Variants in AAK1 observed in about 807,000 individuals in gnomAD.
AAK1 encodes the protein AP2-associated protein kinase 1.
Under a neutral mutation model 116.0 loss-of-function variants are expected in AAK1, and 37 were observed. That is an observed-to-expected ratio of 0.32 (90% CI 0.25 to 0.42). AAK1 has a LOEUF of 0.42. AAK1 is among the 10% of genes least tolerant of loss of function. The pLI is 1.00. For synonymous variants in AAK1, 458 were observed against 439.9 expected (o/e 1.04, Z -0.51); for missense variants, 919 against 1,170.6 (o/e 0.79, Z 3.14).
At chr2:69,612,018 T>C (rs1348089093) in intron 2 of AAK1, among the ~76,000 whole-genome samples, 1 of 152,186 alleles carries the variant, frequency 6.6e-6, no homozygotes, top group East Asian at 1.9e-4. Context: ...AGGGAGTTAG[T>C]GTTTAATGGG....
chr2:69,602,343 T>C (rs932839287), intron 2 of AAK1, among the ~76,000 whole-genome samples: 7 of 152,188 alleles, frequency 4.6e-5, no homozygotes, highest in Non-Finnish European at 1.0e-4. Flanking sequence ...AATATCCTGA[T>C]TGTGACATCT....
rs560141320 is a variant in AAK1 at position 69,587,566 on chromosome 2, A to G, written c.164-30588T>C. On this transcript the variant is annotated intron_variant, in intron 2 of 21. Transcript: ENST00000409085. ...CTGCAACCTCCGCCTCTTGGGTTCAAGTGATTCTCCTGTCTCAGCCTCCCA... is the reference window on the plus strand; with the variant it reads ...CTGCAACCTCCGCCTCTTGGGTTCAGGTGATTCTCCTGTCTCAGCCTCCCA... Among the ~76,000 whole-genome samples, 9 of 151,836 alleles carry G rather than the reference A, an allele frequency of 5.9e-5. No homozygotes were observed. In the South Asian group the frequency reaches 1.9e-3, roughly 32 times the overall value.
In AAK1 at chr2:69,472,454, A is replaced by G. The variant is rs1674711891; in HGVS notation, c.*3415T>C. The G allele has an allele frequency of 2.9e-6, 1 of 343,694 alleles. No homozygotes were observed. The highest frequency in any genetic ancestry group is 4.1e-6 in the Non-Finnish European group (1 of 243,730). The allele number at this position is 343,694 out of a possible 1,614,324, so 21.3% of individuals were successfully genotyped here. A position where few individuals can be genotyped will look rare whatever the true frequency, so the allele number is the denominator to read the frequency against. ...AAATAACTTTAAGGATGGCAGCATC[A>G]TTAGAATAAGTATTAACTTCTTAAG... is the stretch of plus-strand genomic sequence containing the variant. On this transcript the variant is annotated 3_prime_UTR_variant, in exon 22 of 22. Coordinates refer to ENST00000409085, the MANE Select transcript of AAK1 (RefSeq NM_014911.5).
chr2:69,505,683 C>A lies in AAK1; in HGVS notation c.2165-10G>T, dbSNP rs1157480613. Reference sequence around the variant, plus strand: ...TTCTCGGGATGTTTGCCTGGAGAGACAAAACACCACTCAGTTCATTCTAGC... The same window carrying A: ...TTCTCGGGATGTTTGCCTGGAGAGAAAAAACACCACTCAGTTCATTCTAGC... On this transcript the variant is annotated splice_polypyrimidine_tract_variant and intron_variant, in intron 15 of 21. Transcript: ENST00000409085. 2 of 1,605,512 alleles carry A rather than the reference C, an allele frequency of 1.2e-6. No homozygotes were observed. Among genetic ancestry groups the A allele is most frequent in the African/African-American group, 2.7e-5 (2 of 74,700 alleles).
chr2:69,467,211 C>T lies in AAK1; in HGVS notation c.*8658G>A. 1.0e-6 allele frequency: 1 copy of T among 985,418 alleles called. No homozygotes were observed. Among genetic ancestry groups the T allele is most frequent in the Non-Finnish European group, 1.2e-6 (1 of 829,914 alleles). The allele number at this position is 985,418 out of a possible 1,614,324, so 61.0% of individuals were successfully genotyped here. On this transcript the variant is annotated 3_prime_UTR_variant, in exon 22 of 22. Coordinates refer to ENST00000409085, the MANE Select transcript of AAK1 (RefSeq NM_014911.5). Reference sequence around the variant, plus strand: ...TGGAGTTGCCCCAGAATTTTGTTTTCAGTCTTCTAAGTTCATAAAGATCTC... The same window carrying T: ...TGGAGTTGCCCCAGAATTTTGTTTTTAGTCTTCTAAGTTCATAAAGATCTC...
chr2:69,629,643 T>C (rs1447384669), intron 2 of AAK1, among the ~76,000 whole-genome samples: 1 of 152,182 alleles, frequency 6.6e-6, no homozygotes, highest in Non-Finnish European at 1.5e-5. Context: ...TAAGGGAGGT[T>C]TGTATATCTC....
chr2:69,643,085 ATTTTTTTTTTT>A lies in AAK1; in HGVS notation c.-56_-46del, dbSNP rs4067981. ...AAAGCAAAATACCGATGGTTTCTAGATTTTTTTTTTTTTTTTTTTTTTTTAAGAAAAGAGAT... is the reference window on the plus strand; with the variant it reads ...AAAGCAAAATACCGATGGTTTCTAGATTTTTTTTTTTTTAAGAAAAGAGAT... On this transcript the variant is annotated 5_prime_UTR_variant, in exon 2 of 22. Transcript: ENST00000409085. 7 of 1,264,788 alleles carry A rather than the reference ATTTTTTTTTTT, an allele frequency of 5.5e-6. No homozygotes were observed. The highest frequency in any genetic ancestry group is 7.0e-6 in the Non-Finnish European group (7 of 1,001,382). 78.3% of individuals were successfully genotyped at this position (1,264,788 alleles called of 1,614,324 possible).
At chr2:69,630,373 G>GGA (rs1239684291) in intron 2 of AAK1, among the ~76,000 whole-genome samples, 2 of 137,928 alleles carry the variant, frequency 1.5e-5, no homozygotes, top group South Asian at 2.8e-4. Flanking sequence ...GGAGGGGGAG[G>GGA]GAGAGAGAGA....
At chr2:69,635,731 G>A (rs553482002) in intron 2 of AAK1, among the ~76,000 whole-genome samples, 18 of 152,298 alleles carry the variant, frequency 1.2e-4, no homozygotes, top group African/African-American at 4.1e-4. Flanking sequence ...GGTATTCAAC[G>A]TAGTAAAAAT....
chr2:69,593,280 C>T (rs907464195), intron 2 of AAK1, among the ~76,000 whole-genome samples: 3 of 152,038 alleles, frequency 2.0e-5, no homozygotes, highest in African/African-American at 7.2e-5. Flanking sequence ...AATTGACTAA[C>T]TAGATTATGG....
intron 5 of AAK1, among the ~76,000 whole-genome samples, chr2:69,537,943 C>G (rs531172802): frequency 2.6e-5 from 4 of 152,354 alleles, no homozygotes; most frequent in South Asian, 2.1e-4. Flanking sequence ...GAAAGAGTCT[C>G]CTGAACCACA....
chr2:69,576,418 G>T (rs1023991404), intron 2 of AAK1, among the ~76,000 whole-genome samples: 2 of 151,824 alleles, frequency 1.3e-5, no homozygotes, highest in Non-Finnish European at 2.9e-5. Context: ...ACGGGGGTTT[G>T]TTGTACAGAT....
intron 2 of AAK1, among the ~76,000 whole-genome samples, chr2:69,576,720 G>GGTTATCAA (rs1442285810): frequency 6.6e-6 from 1 of 152,114 alleles, no homozygotes; most frequent in African/African-American, 2.4e-5. Context: ...CCATGCTTAT[G>GGTTATCAA]AGAAGTTTAT....
In AAK1 at chr2:69,480,886, G is replaced by A. The variant is rs758805745; in HGVS notation, c.2543C>T (p.Thr848Met). Residue 848 changes from threonine (T) to methionine (M), a missense_variant, in exon 19 of 22, where the codon ACG becomes ATG. Coordinates refer to ENST00000409085, the MANE Select transcript of AAK1 (RefSeq NM_014911.5). ...PPVPQRLPSQ[T>M]ESVTSNRTDS... ...TGTGCGATTCGAGGTCACAGATTCC[G>A]TCTGAGATGGGAGGCGCTGGGGAAC... The A allele has an allele frequency of 6.2e-6, 10 of 1,604,446 alleles. No individual in the cohort carries two copies. The highest frequency in any genetic ancestry group is 1.1e-5 in the South Asian group (1 of 88,284).
chr2:69,464,220 AC>A lies in AAK1; in HGVS notation c.*11648del, dbSNP rs1413488209. 7 of 152,106 alleles carry A rather than the reference AC, an allele frequency of 4.6e-5. No individual in the cohort carries two copies. The highest frequency in any genetic ancestry group is 1.7e-4 in the African/African-American group (7 of 41,386). 9.4% of individuals were successfully genotyped at this position (152,106 alleles called of 1,614,324 possible). ...AACAACAACAACAACAACAACAACA[AC>A]AACAAAACCACCCCAAAACAAGCAA... On this transcript the variant is annotated 3_prime_UTR_variant, in exon 22 of 22. Coordinates refer to ENST00000409085, the MANE Select transcript of AAK1 (RefSeq NM_014911.5).
In AAK1 at chr2:69,515,548, C is replaced by T. The variant is rs1385149562; in HGVS notation, c.1498-799G>A. Among the ~76,000 whole-genome samples, 7 of 151,860 alleles carry T rather than the reference C, an allele frequency of 4.6e-5. No individual in the cohort carries two copies. In the South Asian group the frequency reaches 6.2e-4, roughly 14 times the overall value. On this transcript the variant is annotated intron_variant, in intron 12 of 21. Coordinates refer to ENST00000409085, the MANE Select transcript of AAK1 (RefSeq NM_014911.5). ...TCTCACAATGTTGCCCAGGCTGTCT[C>T]GACCTCCTGGGCTCAAGCAATCCTC... is the stretch of plus-strand genomic sequence containing the variant.
At chr2:69,634,904 T>C (rs575555205) in intron 2 of AAK1, among the ~76,000 whole-genome samples, 32 of 152,332 alleles carry the variant, frequency 2.1e-4, no homozygotes, top group African/African-American at 7.5e-4. Context: ...TGCTCTAGAC[T>C]ACAATGGTCT....
chr2:69,572,620 TAAAAAA>T (rs768419313), intron 2 of AAK1, among the ~76,000 whole-genome samples: 1 of 106,878 alleles, frequency 9.4e-6, no homozygotes, highest in South Asian at 3.3e-4. Flanking sequence ...ACTCTGTCTT[TAAAAAA>T]AAAAAAAAAA....
chr2:69,558,027 A>G (rs1671459417), intron 2 of AAK1, among the ~76,000 whole-genome samples: 1 of 152,162 alleles, frequency 6.6e-6, no homozygotes, highest in Admixed American at 6.5e-5. Context: ...CTTTCTCTAA[A>G]AGACAGTTCA....
Sources: allele counts gnomAD v4.1 joint callset (sites outside exome capture counted in the v4.1 genomes callset), GRCh38; gene constraint gnomAD v4.1.1; transcripts MANE v1.5; gene names NCBI Gene and HGNC (gene_info 2026-07-23, HGNC 2026-07-21).